Variants in WDR48 observed in about 807,000 individuals in gnomAD.
The protein encoded by WDR48 is WD repeat domain 48.
Under a neutral mutation model 94.0 loss-of-function variants are expected in WDR48, and 22 were observed. The observed-to-expected ratio is 0.23, with a 90% CI of 0.17 to 0.33. The LOEUF is 0.33. Among genes scored for constraint, WDR48 ranks in the 10% least tolerant of loss-of-function variants. The probability of loss-of-function intolerance (pLI) is 1.00; values close to 1 mark genes in which losing one functional copy is unlikely to be tolerated. For missense variants in WDR48, 541 were observed against 813.8 expected (o/e 0.66, Z 4.08); for synonymous variants, 278 against 280.5 (o/e 0.99, Z 0.09).
intron 1 of WDR48, among the ~76,000 whole-genome samples, chr3:39,059,706 C>T (rs1200887844): frequency 6.6e-6 from 1 of 152,144 alleles, no homozygotes; most frequent in Non-Finnish European, 1.5e-5. Context: ...GTCTGCAGCC[C>T]TGGCCCTTTT....
chr3:39,085,914 T>C (rs775957266), intron 14 of WDR48, among the ~76,000 whole-genome samples: 2 of 152,240 alleles, frequency 1.3e-5, no homozygotes, highest in Non-Finnish European at 2.9e-5. Context: ...TTCCAAAATA[T>C]TCTTCAAGGT....
At chr3:39,077,294 T>C in intron 9 of WDR48, 81 bp downstream of exon 9, 2 of 1,500,208 alleles carry the variant, frequency 1.3e-6, no homozygotes, top group Non-Finnish European at 1.8e-6. Flanking sequence ...TTGCAAATGC[T>C]CAGTGTGGCC....
intron 8 of WDR48, 118 bp downstream of exon 8, chr3:39,075,068 G>A (rs1004670547): frequency 1.3e-5 from 12 of 959,542 alleles, no homozygotes; most frequent in Non-Finnish European, 1.8e-5. Context: ...GGGAAGGTTT[G>A]TAAAAAAGAT....
rs2033005840 is a variant in WDR48 at position 39,057,975 on chromosome 3, T to C, written c.49-5075T>C. ...AAACTTGTGTATTTGTTCTGAAATA[T>C]TTAATATTTTGAAACATTTTTATAA... On this transcript the variant is annotated intron_variant, in intron 1 of 18. Transcript: ENST00000302313. Among the ~76,000 whole-genome samples the C allele has an allele frequency of 2.0e-5, 3 of 152,194 alleles. No individual in the cohort carries two copies. The South Asian group carries it at 6.2e-4, about 31-fold the overall frequency.
chr3:39,082,056 G>A (rs932308698), intron 11 of WDR48, among the ~76,000 whole-genome samples: 9 of 152,118 alleles, frequency 5.9e-5, no homozygotes, highest in African/African-American at 1.9e-4. Context: ...AGTGATCTAC[G>A]GAATATGCTA....
chr3:39,084,923 G>C (rs535584854), intron 13 of WDR48, among the ~76,000 whole-genome samples, 182 bp downstream of exon 13: 1 of 152,216 alleles, frequency 6.6e-6, no homozygotes, highest in African/African-American at 2.4e-5. Flanking sequence ...TATGGAAATA[G>C]CCGTTTAAAG....
Position 39,066,538 on chromosome 3 carries a change from CT to C in WDR48, c.269-8del. ...TACTAAGGAGTTTGTTAATTCTTTG[CT>C]TCTTCTAGTAATATCTGCTTCTTCT... is the stretch of plus-strand genomic sequence containing the variant. On this transcript the variant is annotated splice_polypyrimidine_tract_variant and intron_variant, in intron 3 of 18. Coordinates refer to ENST00000302313, the MANE Select transcript of WDR48 (RefSeq NM_020839.4). 6.2e-7 allele frequency: 1 copy of C among 1,612,086 alleles called. No homozygotes were observed. The highest frequency in any genetic ancestry group is 8.5e-7 in the Non-Finnish European group (1 of 1,179,108).
At chr3:39,075,136 AAG>A (rs1035292670) in intron 8 of WDR48, among the ~76,000 whole-genome samples, 186 bp downstream of exon 8, 38 of 150,694 alleles carry the variant, frequency 2.5e-4, no homozygotes, top group Admixed American at 2.2e-3. Context: ...GTCTGGAGGG[AAG>A]AGTGTCAGTA....
chr3:39,089,130 C>T (rs1365817509), intron 15 of WDR48, 101 bp from the exon 16 acceptor site: 3 of 1,021,170 alleles, frequency 2.9e-6, no homozygotes, highest in Non-Finnish European at 4.4e-6. Context: ...GGGGGTTATC[C>T]TACATGAAAA....
intron 14 of WDR48, among the ~76,000 whole-genome samples, chr3:39,087,276 C>T (rs1039522751): frequency 1.3e-5 from 2 of 152,168 alleles, no homozygotes; most frequent in African/African-American, 2.4e-5. Flanking sequence ...CGTGATGGCT[C>T]ACACCTGTAA....
At chr3:39,088,045 T>G in intron 14 of WDR48, 83 bp from the exon 15 acceptor site, 1 of 1,295,070 alleles carries the variant, frequency 7.7e-7, no homozygotes, top group Non-Finnish European at 1.1e-6. Context: ...CTTGCAATGT[T>G]TGAAGCTTGT....
Position 39,088,066 on chromosome 3 carries a change from T to C in WDR48, c.1475-62T>C, listed in dbSNP as rs1169651743. 3 of 1,492,168 alleles carry C rather than the reference T, an allele frequency of 2.0e-6. No homozygotes were observed. In the East Asian group the frequency reaches 6.8e-5, roughly 34 times the overall value. 92.4% of individuals were successfully genotyped at this position (1,492,168 alleles called of 1,614,324 possible). On this transcript the variant is annotated intron_variant, in intron 14 of 18. Coordinates refer to ENST00000302313, the MANE Select transcript of WDR48 (RefSeq NM_020839.4). ...ATGTTTGAAGCTTGTGGGAGTAAAA[T>C]GTTTAGAATCTGTATTTTTAGCACT...
chr3:39,079,631 A>G (rs1287264884), intron 10 of WDR48, 80 bp from the exon 11 acceptor site: 10 of 980,206 alleles, frequency 1.0e-5, no homozygotes, highest in Admixed American at 6.1e-5. Context: ...CCTGTTAGAT[A>G]CCAGTTAACA....
chr3:39,063,382 G>A (rs1190115689), intron 2 of WDR48, among the ~76,000 whole-genome samples, 192 bp downstream of exon 2: 2 of 152,144 alleles, frequency 1.3e-5, no homozygotes, highest in Admixed American at 1.3e-4. Flanking sequence ...TTTCAGAAGT[G>A]TTTCAGCTAA....
At chr3:39,085,817 G>A (rs536988143) in intron 14 of WDR48, among the ~76,000 whole-genome samples, 1 of 151,704 alleles carries the variant, frequency 6.6e-6, no homozygotes, top group African/African-American at 2.4e-5. Flanking sequence ...CTTATGATAT[G>A]GCTTTTAGTG....
intron 10 of WDR48, 58 bp downstream of exon 10, chr3:39,078,297 T>G (rs1433639619): frequency 6.7e-6 from 8 of 1,192,830 alleles, no homozygotes; most frequent in Non-Finnish European, 6.1e-6. Flanking sequence ...TACTTAGAGA[T>G]TGACAAAAAT....
intron 1 of WDR48, among the ~76,000 whole-genome samples, chr3:39,056,352 T>C (rs1333164813): frequency 6.6e-6 from 1 of 152,220 alleles, no homozygotes; most frequent in African/African-American, 2.4e-5. Flanking sequence ...ATCTGACTCA[T>C]TTGAGTTCAA....
At chr3:39,087,737 A>ATT in intron 14 of WDR48, 1 of 157,920 alleles carries the variant, frequency 6.3e-6, no homozygotes, top group Non-Finnish European at 1.4e-5. Context: ...ATTAAATGTA[A>ATT]TTTTTTTTTC....
intron 7 of WDR48, among the ~76,000 whole-genome samples, chr3:39,070,049 A>G (rs530385865): frequency 3.3e-5 from 5 of 152,348 alleles, no homozygotes; most frequent in African/African-American, 1.2e-4. Context: ...AAGCTTTGAT[A>G]TCAAATGCTT....
Sources: gnomAD v4.1 joint callset for allele counts (sites outside exome capture counted in the v4.1 genomes callset) on GRCh38, gnomAD v4.1.1 for gene constraint, MANE v1.5 for transcripts, NCBI Gene and HGNC (gene_info 2026-07-23, HGNC 2026-07-21) for gene names.